Variants in DAB1 observed in about 807,000 individuals in gnomAD.
DAB1 encodes disabled homolog 1.
A neutral mutation model predicts 64.6 loss-of-function variants in DAB1; 15 were observed. The observed-to-expected ratio is 0.23, with a 90% CI of 0.16 to 0.36. The LOEUF (loss-of-function observed/expected upper bound fraction) is 0.36. Ranked by LOEUF, DAB1 falls within the 10% of genes least tolerant of loss-of-function variation. The probability of loss-of-function intolerance (pLI) is 1.00; values close to 1 mark genes in which losing one functional copy is unlikely to be tolerated. For missense variants in DAB1, 596 were observed against 706.7 expected (o/e 0.84, Z 1.78); for synonymous variants, 235 against 251.9 (o/e 0.93, Z 0.64).
intron 1 of DAB1, among the ~76,000 whole-genome samples, chr1:57,863,911 G>A (rs1654179233): frequency 6.6e-6 from 1 of 152,096 alleles, no homozygotes; most frequent in South Asian, 2.1e-4. Context: ...TGTGTATTGG[G>A]CTCCCAATTT....
At position 57,010,684 on chromosome 1, in the gene DAB1, A is replaced by C; in HGVS notation, c.*11T>G. 6.5e-7 allele frequency: 1 copy of C among 1,533,110 alleles called. No individual in the cohort carries two copies. Among genetic ancestry groups the C allele is most frequent in the East Asian group, 2.3e-5 (1 of 43,316 alleles). The allele number at this position is 1,533,110 out of a possible 1,614,324, so 95.0% of individuals were successfully genotyped here. On this transcript the variant is annotated 3_prime_UTR_variant, in exon 14 of 15. Coordinates refer to ENST00000371236, the MANE Select transcript of DAB1 (RefSeq NM_001365792.1). ...ATAAAAAGGACAGATACCTACCCAG[A>C]CCTGCGCTATCTAGCTACCGGCCTG...
chr1:57,932,657 T>C (rs1488440504), intron 5 of DAB1, among the ~76,000 whole-genome samples: 4 of 152,192 alleles, frequency 2.6e-5, no homozygotes, highest in African/African-American at 9.7e-5. Flanking sequence ...TTATGTCTTC[T>C]TGGAGAATTT....
rs571435099 is a variant in DAB1, at chr1:57,033,468, T to C, written c.724-7425A>G. ...CAAGGCATGACTGATGAGCATGAAA[T>C]GAATGATGAGAAAATGACATGAAAC... is the stretch of plus-strand genomic sequence containing the variant. On this transcript the variant is annotated intron_variant, in intron 9 of 14. Coordinates refer to ENST00000371236, the MANE Select transcript of DAB1 (RefSeq NM_001365792.1). The C allele has an allele frequency of 3.3e-5, 53 of 1,612,692 alleles. No individual in the cohort carries two copies. The South Asian group carries it at 5.4e-4, about 16-fold the overall frequency.
chr1:58,025,383 T>C (rs548107561), intron 5 of DAB1, among the ~76,000 whole-genome samples: 44 of 152,044 alleles, frequency 2.9e-4, no homozygotes, highest in Admixed American at 3.3e-4. Flanking sequence ...TTCCTAGTAA[T>C]TCAACTTATT....
At position 58,492,009 on chromosome 1, in the gene DAB1, T is replaced by C. The variant is rs1480588227; in HGVS notation, n.257+14051A>G. On this transcript the variant is annotated intron_variant and non_coding_transcript_variant, in intron 3 of 20. Coordinates refer to the DAB1 transcript ENST00000485760. Reference sequence around the variant, plus strand: ...ACCTATTCCAAAATTGACCACATAGTTGGAAGTAAAGCACTCCTCAGCAAA... The same window carrying C: ...ACCTATTCCAAAATTGACCACATAGCTGGAAGTAAAGCACTCCTCAGCAAA... Among the ~76,000 whole-genome samples the C allele has an allele frequency of 4.4e-4, 67 of 152,320 alleles. 2 individuals are homozygous for C. Among genetic ancestry groups the C allele is most frequent in the Non-Finnish European group, 1.2e-4 (8 of 68,036 alleles).
In DAB1 at chr1:57,644,560, TATATATACACACATAC is replaced by T. The variant is rs1401031467; in HGVS notation, n.625+5016_625+5031del. ...ATGCACATATGTGTGTGTATGCATA[TATATATACACACATAC>T]ATATATACACACATACCCACATATG... is the stretch of plus-strand genomic sequence containing the variant. On this transcript the variant is annotated intron_variant and non_coding_transcript_variant, in intron 7 of 20. Transcript: ENST00000485760. Among the ~76,000 whole-genome samples the T allele has an allele frequency of 3.3e-5, 5 of 152,072 alleles. No individual in the cohort carries two copies. In the South Asian group the frequency reaches 1.0e-3, roughly 32 times the overall value.
chr1:58,348,009 T>C (rs4912329), intron 3 of DAB1, among the ~76,000 whole-genome samples: 15,776 of 152,236 alleles, frequency 0.1, 902 homozygotes, highest in Middle Eastern at 0.17. Context: ...CCAGGGCTCT[T>C]AGCATTGCCT....
At chr1:57,075,296 T>C (rs562889622) in intron 4 of DAB1, among the ~76,000 whole-genome samples, 1 of 152,328 alleles carries the variant, frequency 6.6e-6, no homozygotes, top group South Asian at 2.1e-4. Context: ...CATTAAGTGT[T>C]TTAAAATCAA....
At chr1:57,358,172 C>T (rs999651100) in intron 1 of DAB1, among the ~76,000 whole-genome samples, 3 of 152,020 alleles carry the variant, frequency 2.0e-5, no homozygotes, top group Admixed American at 1.3e-4. Context: ...CTGGCTGGGA[C>T]TTCTAGCACT....
chr1:57,265,715 G>A (rs983064910), intron 2 of DAB1, among the ~76,000 whole-genome samples: 2 of 152,082 alleles, frequency 1.3e-5, no homozygotes, highest in Admixed American at 6.5e-5. Flanking sequence ...ACTCGTGGAC[G>A]GCCAATATAA....
chr1:57,751,830 T>C (rs1648564930), intron 6 of DAB1, among the ~76,000 whole-genome samples: 1 of 112,394 alleles, frequency 8.9e-6, no homozygotes, highest in Admixed American at 8.2e-5. Context: ...TTCTATTCTT[T>C]ACTTAATAAA....
chr1:57,547,161 C>G (rs181359834), intron 7 of DAB1, among the ~76,000 whole-genome samples: 92 of 148,926 alleles, frequency 6.2e-4, no homozygotes, highest in Admixed American at 4.8e-3. Context: ...AGCCAGTTAT[C>G]TATGACTGGC....
At chr1:57,480,677 G>T (rs1644006506) in intron 7 of DAB1, among the ~76,000 whole-genome samples, 1 of 151,994 alleles carries the variant, frequency 6.6e-6, no homozygotes, top group Non-Finnish European at 1.5e-5. Flanking sequence ...TAGAGACAGG[G>T]TTTCACCATG....
chr1:57,249,894 A>T (rs1451069505), intron 2 of DAB1, among the ~76,000 whole-genome samples: 1 of 152,224 alleles, frequency 6.6e-6, no homozygotes, highest in Admixed American at 6.5e-5. Context: ...AGATTAAAAC[A>T]TATCCTAGTA....
At chr1:58,177,421 C>A (rs998186234) in intron 4 of DAB1, among the ~76,000 whole-genome samples, 2 of 151,978 alleles carry the variant, frequency 1.3e-5, no homozygotes, top group South Asian at 4.2e-4. Flanking sequence ...AAAATTAAGG[C>A]TCAGATGAAA....
In DAB1 at chr1:57,373,227, G is replaced by A. The variant is rs562948964; in HGVS notation, c.-137+50703C>T. 2.0e-5 allele frequency among the ~76,000 whole-genome samples: 3 copies of A among 152,090 alleles called. No homozygotes were observed. The South Asian group carries it at 6.3e-4, about 32-fold the overall frequency. The stretch of plus-strand genomic sequence containing the variant: ...AAGAATGAAAGAAAGAAATGAAGAT[G>A]TCAGTTCATTGGAATCCTTAGGTGC... On this transcript the variant is annotated intron_variant, in intron 1 of 14. Coordinates refer to ENST00000371236, the MANE Select transcript of DAB1 (RefSeq NM_001365792.1).
intron 9 of DAB1, among the ~76,000 whole-genome samples, chr1:57,042,064 G>A (rs1427385201): frequency 6.6e-6 from 1 of 152,124 alleles, no homozygotes; most frequent in Non-Finnish European, 1.5e-5. Context: ...CTCACATTTT[G>A]TAACAAGGAA....
intron 6 of DAB1, among the ~76,000 whole-genome samples, chr1:57,709,678 T>C (rs1156383582): frequency 6.6e-6 from 1 of 152,062 alleles, no homozygotes; most frequent in Admixed American, 6.6e-5. Flanking sequence ...ATTTTATAGA[T>C]GAGCTTGAGG....
chr1:57,746,222 T>G (rs1470683498), intron 6 of DAB1, among the ~76,000 whole-genome samples: 1 of 152,162 alleles, frequency 6.6e-6, no homozygotes, highest in African/African-American at 2.4e-5. Flanking sequence ...TAGGTATATA[T>G]CTGTATGTGT....
Sources: gnomAD v4.1 joint callset for allele counts (sites outside exome capture counted in the v4.1 genomes callset) on GRCh38, gnomAD v4.1.1 for gene constraint, MANE v1.5 for transcripts, NCBI Gene and HGNC (gene_info 2026-07-23, HGNC 2026-07-21) for gene names.